SGF29: variants seen among roughly 807,000 people sequenced by gnomAD.
SGF29 encodes the protein SAGA-associated factor 29.
SGF29 carries 15 observed loss-of-function variants against 38.1 expected under a neutral mutation model. The observed-to-expected ratio is 0.39, with a 90% CI of 0.26 to 0.61. The LOEUF (loss-of-function observed/expected upper bound fraction) is 0.61, where lower values mean the gene tolerates loss of function less well. SGF29 is among the 20% of genes least tolerant of loss of function. The pLI is 0.49. For synonymous variants in SGF29, 151 were observed against 160.8 expected (o/e 0.94, Z 0.46); for missense variants, 184 against 394.6 (o/e 0.47, Z 4.52).
chr16:28,559,640 T>C (rs1250395019), intron 1 of SGF29, among the ~76,000 whole-genome samples: 1 of 152,060 alleles, frequency 6.6e-6, no homozygotes, highest in Non-Finnish European at 1.5e-5. Context: ...CCTCCAAAAG[T>C]GCTGGGATTA....
In SGF29 at chr16:28,585,639, C is replaced by T. The variant is rs1368424991; in HGVS notation, c.152-9C>T. 6.2e-7 allele frequency: 1 copy of T among 1,613,832 alleles called. No individual in the cohort carries two copies. The highest frequency in any genetic ancestry group is 8.5e-7 in the Non-Finnish European group (1 of 1,179,678). Reference sequence around the variant, plus strand: ...GCCCTGCCTCCTTATCCCTGTGTTTCCTCTGCAGTTTCTCCCTATTACCGG... The same window carrying T: ...GCCCTGCCTCCTTATCCCTGTGTTTTCTCTGCAGTTTCTCCCTATTACCGG... On this transcript the variant is annotated splice_polypyrimidine_tract_variant and intron_variant, in intron 3 of 9. Transcript: ENST00000317058.
chr16:28,583,633 C>T (rs1243063497), intron 2 of SGF29, among the ~76,000 whole-genome samples: 1 of 152,172 alleles, frequency 6.6e-6, no homozygotes, highest in Non-Finnish European at 1.5e-5. Context: ...AGCTCTGCTC[C>T]CAGGATGACT....
chr16:28,573,935 G>T (rs2046879499), intron 1 of SGF29, among the ~76,000 whole-genome samples: 1 of 152,200 alleles, frequency 6.6e-6, no homozygotes, highest in African/African-American at 2.4e-5. Flanking sequence ...TGACAGTGCT[G>T]TGTAAAGTAA....
intron 1 of SGF29, among the ~76,000 whole-genome samples, chr16:28,578,825 C>T (rs1286716270): frequency 6.6e-6 from 1 of 152,024 alleles, no homozygotes; most frequent in Non-Finnish European, 1.5e-5. Flanking sequence ...GCCTGTAATC[C>T]CAGCTACTCT....
chr16:28,585,857 C>T (rs1465289501), intron 4 of SGF29, 137 bp downstream of exon 4: 2 of 784,898 alleles, frequency 2.5e-6, no homozygotes, highest in East Asian at 5.3e-5. Flanking sequence ...TCGCTTGGGT[C>T]CCGCATTCCC....
chr16:28,555,212 C>T (rs930361711), intron 1 of SGF29, among the ~76,000 whole-genome samples: 1 of 152,078 alleles, frequency 6.6e-6, no homozygotes, highest in Admixed American at 6.6e-5. Flanking sequence ...GCGTGTAATC[C>T]TAGCACTTTG....
chr16:28,572,261 C>T (rs1482637510), intron 1 of SGF29, among the ~76,000 whole-genome samples: 4 of 151,964 alleles, frequency 2.6e-5, no homozygotes, highest in African/African-American at 7.3e-5. Flanking sequence ...CAGGCGTGAG[C>T]CACTGCGCCC....
chr16:28,563,122 C>T (rs976599618), intron 1 of SGF29, among the ~76,000 whole-genome samples: 1 of 151,930 alleles, frequency 6.6e-6, no homozygotes, highest in Non-Finnish European at 1.5e-5. Flanking sequence ...ATTTTTCTTT[C>T]ACCTTAATTA....
intron 1 of SGF29, 117 bp from the exon 2 acceptor site, chr16:28,580,938 C>G (rs998291151): frequency 2.6e-6 from 2 of 771,144 alleles, no homozygotes; most frequent in Non-Finnish European, 4.4e-6. Context: ...GCCTTGGCCT[C>G]CCAAAGTGCT....
chr16:28,573,057 A>T (rs73533498), intron 1 of SGF29, among the ~76,000 whole-genome samples: 3 of 151,902 alleles, frequency 2.0e-5, no homozygotes, highest in Admixed American at 6.6e-5. Flanking sequence ...TCCACGGAAA[A>T]TGTTTTCCCC....
intron 1 of SGF29, among the ~76,000 whole-genome samples, chr16:28,563,167 C>T (rs1596596810): frequency 6.6e-6 from 1 of 152,162 alleles, no homozygotes; most frequent in African/African-American, 2.4e-5. Context: ...ACAGGGGTGA[C>T]CAGAGTGCTC....
intron 1 of SGF29, among the ~76,000 whole-genome samples, chr16:28,574,639 A>G (rs1169828895): frequency 6.6e-6 from 1 of 152,166 alleles, no homozygotes; most frequent in Non-Finnish European, 1.5e-5. Flanking sequence ...TTCCTGCTTT[A>G]GCAGGAGAGA....
At chr16:28,570,491 G>A (rs1199180311) in intron 1 of SGF29, among the ~76,000 whole-genome samples, 1 of 152,218 alleles carries the variant, frequency 6.6e-6, no homozygotes, top group Non-Finnish European at 1.5e-5. Context: ...GCCCCAGGAT[G>A]AATTGTACTT....
chr16:28,575,254 T>C (rs953288800), intron 1 of SGF29, among the ~76,000 whole-genome samples: 1 of 152,204 alleles, frequency 6.6e-6, no homozygotes, highest in Non-Finnish European at 1.5e-5. Flanking sequence ...TATATGACAA[T>C]GCATTGTGTA....
At chr16:28,579,508 G>A (rs1322642406) in intron 1 of SGF29, among the ~76,000 whole-genome samples, 7 of 149,052 alleles carry the variant, frequency 4.7e-5, no homozygotes, top group East Asian at 2.1e-4. Flanking sequence ...TGCCCTCCTC[G>A]GCCTCCCAAA....
At chr16:28,563,724 T>TC (rs2046803774) in intron 1 of SGF29, among the ~76,000 whole-genome samples, 1 of 143,188 alleles carries the variant, frequency 7.0e-6, no homozygotes, top group African/African-American at 2.6e-5. Flanking sequence ...ACTTTTTTTT[T>TC]TTTTTTTTTT....
chr16:28,572,589 G>A (rs1056223086), intron 1 of SGF29, among the ~76,000 whole-genome samples: 2 of 152,174 alleles, frequency 1.3e-5, no homozygotes, highest in African/African-American at 2.4e-5. Context: ...TTCTAAAGGC[G>A]TGTTGCAGAG....
At chr16:28,574,379 C>G (rs564033164) in intron 1 of SGF29, among the ~76,000 whole-genome samples, 4 of 152,208 alleles carry the variant, frequency 2.6e-5, no homozygotes, top group Non-Finnish European at 5.9e-5. Flanking sequence ...GGAAGTTGTA[C>G]GGATGCCCAT....
intron 4 of SGF29, chr16:28,588,489 A>G: frequency 2.9e-6 from 1 of 347,168 alleles, no homozygotes; most frequent in South Asian, 2.2e-5. Context: ...GTGTTCTCTT[A>G]GTTTTTGGCA....
Sources: allele counts gnomAD v4.1 joint callset (sites outside exome capture counted in the v4.1 genomes callset), GRCh38; gene constraint gnomAD v4.1.1; transcripts MANE v1.5; gene names NCBI Gene and HGNC (gene_info 2026-07-23, HGNC 2026-07-21).